MYO1D: variants seen among roughly 807,000 people sequenced by gnomAD.
MYO1D encodes the protein unconventional myosin-Id.
In MYO1D, 83 loss-of-function variants were observed where a neutral mutation model predicts 122.0. That is an observed-to-expected ratio of 0.68 (90% CI 0.57 to 0.82). The LOEUF (loss-of-function observed/expected upper bound fraction) is 0.82. MYO1D is among the 40% of genes least tolerant of loss of function. MYO1D has a pLI of 0.00. For synonymous variants in MYO1D, 464 were observed against 446.9 expected (o/e 1.04, Z -0.48); for missense variants, 1,157 against 1,269.5 (o/e 0.91, Z 1.35).
chr17:32,531,519 C>T (rs1418000090), intron 21 of MYO1D: 1 of 152,190 alleles, frequency 6.6e-6, no homozygotes, highest in Non-Finnish European at 1.5e-5. Context: ...AGTAAGCTTA[C>T]TCTGCAATAC....
chr17:32,721,431 A>G (rs764923892), intron 14 of MYO1D, among the ~76,000 whole-genome samples: 1 of 152,214 alleles, frequency 6.6e-6, no homozygotes, highest in Non-Finnish European at 1.5e-5. Context: ...ATAGTAGAAA[A>G]GGGATAAAAC....
chr17:32,672,316 C>T (rs996360063), intron 16 of MYO1D, among the ~76,000 whole-genome samples: 4 of 152,178 alleles, frequency 2.6e-5, no homozygotes, highest in Non-Finnish European at 4.4e-5. Context: ...ACACTTAAAG[C>T]AGTCTAATGG....
intron 16 of MYO1D, among the ~76,000 whole-genome samples, chr17:32,696,857 C>T (rs533986528): frequency 7.2e-5 from 11 of 152,266 alleles, no homozygotes; most frequent in Admixed American, 6.5e-4. Context: ...AAAGGAAGTC[C>T]ATTTTACCCA....
intron 16 of MYO1D, among the ~76,000 whole-genome samples, chr17:32,706,435 T>C (rs1413729255): frequency 2.0e-5 from 3 of 151,996 alleles, no homozygotes; most frequent in African/African-American, 2.4e-5. Flanking sequence ...ACAGAAAAGG[T>C]ATGAAAATAC....
intron 8 of MYO1D, among the ~76,000 whole-genome samples, chr17:32,761,378 C>A (rs1037578117): frequency 6.6e-6 from 1 of 152,344 alleles, no homozygotes; most frequent in East Asian, 1.9e-4. Flanking sequence ...TACATAGATA[C>A]TTCTCGTACC....
chr17:32,864,007 C>CTTTTT lies in MYO1D; in HGVS notation c.95+12766_95+12770dup, dbSNP rs560953120. 3.3e-4 allele frequency among the ~76,000 whole-genome samples: 16 copies of CTTTTT among 48,964 alleles called. 1 individual carries two copies. The highest frequency in any genetic ancestry group is 1.3e-3 in the East Asian group (1 of 752). The allele number at this position is 48,964 out of a possible 152,430, so 32.1% of individuals were successfully genotyped here. ...TAATTTTGGTTACAAACATTTCTTC[C>CTTTTT]TTTTTTTTTTTTTTTTTTTTTTTTT... On this transcript the variant is annotated intron_variant, in intron 1 of 21. Coordinates refer to ENST00000318217, the MANE Select transcript of MYO1D (RefSeq NM_015194.3).
intron 14 of MYO1D, among the ~76,000 whole-genome samples, chr17:32,723,360 G>A (rs2089534379): frequency 6.6e-6 from 1 of 152,178 alleles, no homozygotes; most frequent in Admixed American, 6.5e-5. Flanking sequence ...GGTAGTTAGT[G>A]TAAGAACTGA....
At chr17:32,861,604 G>T (rs956333288) in intron 1 of MYO1D, among the ~76,000 whole-genome samples, 1 of 152,014 alleles carries the variant, frequency 6.6e-6, no homozygotes, top group Non-Finnish European at 1.5e-5. Flanking sequence ...AGACCCTTCC[G>T]CAAAGTGTGG....
chr17:32,738,260 G>A lies in MYO1D; in HGVS notation c.1739C>T (p.Ala580Val), dbSNP rs1197737296. ...NSMIALVDNL[A>V]SKEPYYVRCI... ...AGAAAAGAAAATAATTACCTTTGATGCAAGGTTGTCTACTAGAGCAATCAT... is the reference window on the plus strand; with the variant it reads ...AGAAAAGAAAATAATTACCTTTGATACAAGGTTGTCTACTAGAGCAATCAT... The change falls in exon 14 of 22, where the codon GCA (alanine) becomes GTA (valine). Residue 580 changes from alanine (A) to valine (V), a missense_variant. Coordinates refer to ENST00000318217, the MANE Select transcript of MYO1D (RefSeq NM_015194.3). 2.5e-6 allele frequency: 4 copies of A among 1,594,748 alleles called. No homozygotes were observed. The highest frequency in any genetic ancestry group is 2.6e-6 in the Non-Finnish European group (3 of 1,172,370).
chr17:32,744,071 T>C (rs2089802766), intron 13 of MYO1D, among the ~76,000 whole-genome samples: 1 of 152,198 alleles, frequency 6.6e-6, no homozygotes, highest in East Asian at 1.9e-4. Flanking sequence ...CTTCATACTT[T>C]CTTCTTATGT....
chr17:32,525,630 A>G (rs1278387442), intron 21 of MYO1D, among the ~76,000 whole-genome samples: 2 of 152,128 alleles, frequency 1.3e-5, no homozygotes. Flanking sequence ...AGAAAGGAAC[A>G]TTTATTTCAA....
At chr17:32,571,940 A>G (rs190156833) in intron 21 of MYO1D, among the ~76,000 whole-genome samples, 4 of 152,262 alleles carry the variant, frequency 2.6e-5, no homozygotes, top group East Asian at 3.9e-4. Context: ...CAAACACTAA[A>G]TAACAGGCTG....
At chr17:32,750,846 A>T (rs890589407) in intron 11 of MYO1D, among the ~76,000 whole-genome samples, 12 of 152,290 alleles carry the variant, frequency 7.9e-5, no homozygotes, top group Admixed American at 3.3e-4. Flanking sequence ...TGTTCTGAGG[A>T]TTAAATGAAC....
At chr17:32,725,991 A>G (rs1158616465) in intron 14 of MYO1D, among the ~76,000 whole-genome samples, 1 of 152,254 alleles carries the variant, frequency 6.6e-6, no homozygotes, top group Non-Finnish European at 1.5e-5. Context: ...TTTTACACTG[A>G]GCAAAAATAT....
intron 16 of MYO1D, among the ~76,000 whole-genome samples, chr17:32,678,462 T>C (rs1355880381): frequency 7.0e-6 from 1 of 141,908 alleles, no homozygotes; most frequent in African/African-American, 2.6e-5. Flanking sequence ...CCTGTGTCCA[T>C]GTGATCTCAT....
intron 1 of MYO1D, among the ~76,000 whole-genome samples, chr17:32,803,816 G>A (rs761433580): frequency 3.9e-5 from 6 of 152,210 alleles, no homozygotes; most frequent in Non-Finnish European, 7.3e-5. Context: ...GCAAAGCAGA[G>A]CTTTTAAAGG....
intron 16 of MYO1D, among the ~76,000 whole-genome samples, chr17:32,705,082 G>A (rs777358925): frequency 3.7e-4 from 56 of 151,656 alleles, no homozygotes; most frequent in Non-Finnish European, 1.3e-4. Flanking sequence ...TCAAATACAC[G>A]ACTGAGTACT....
chr17:32,739,383 T>G (rs1407903264), intron 13 of MYO1D, among the ~76,000 whole-genome samples: 1 of 150,486 alleles, frequency 6.6e-6, no homozygotes, highest in Non-Finnish European at 1.5e-5. Flanking sequence ...CTTAGCAAAC[T>G]ATCGCAAGGA....
chr17:32,854,567 T>C (rs1372471523), intron 1 of MYO1D, among the ~76,000 whole-genome samples: 3 of 152,254 alleles, frequency 2.0e-5, no homozygotes, highest in African/African-American at 7.2e-5. Flanking sequence ...ATACACTTTA[T>C]GCAGTGGTGA....
Sources: gnomAD v4.1 joint callset for allele counts (sites outside exome capture counted in the v4.1 genomes callset) on GRCh38, gnomAD v4.1.1 for gene constraint, MANE v1.5 for transcripts, NCBI Gene and HGNC (gene_info 2026-07-23, HGNC 2026-07-21) for gene names.